SV2B: variants seen among roughly 807,000 people sequenced by gnomAD.
SV2B encodes the protein synaptic vesicle glycoprotein 2B.
Under a neutral mutation model 73.9 loss-of-function variants are expected in SV2B, and 41 were observed. The ratio of observed to expected loss-of-function variants is 0.56; its 90% confidence interval spans 0.43 to 0.72. SV2B has a LOEUF of 0.72. SV2B is among the 30% of genes least tolerant of loss of function. SV2B has a pLI of 0.00. For missense variants in SV2B, 764 were observed against 857.8 expected (o/e 0.89, Z 1.37); for synonymous variants, 314 against 314.2 (o/e 1.00, Z 0.01).
chr15:91,265,803 G>C lies in SV2B; in HGVS notation c.1009-779G>C, dbSNP rs920783694. Among the ~76,000 whole-genome samples the C allele has an allele frequency of 2.0e-5, 3 of 152,246 alleles. No individual in the cohort carries two copies. The highest frequency in any genetic ancestry group is 2.9e-5 in the Non-Finnish European group (2 of 68,044). ...CATGTCCTTGACATTTCTGGGAAGAGAGCCTATGCCTTTAGCAGATTCTCA... is the reference window on the plus strand; with the variant it reads ...CATGTCCTTGACATTTCTGGGAAGACAGCCTATGCCTTTAGCAGATTCTCA... On this transcript the variant is annotated intron_variant, in intron 6 of 12. Coordinates refer to ENST00000394232, the MANE Select transcript of SV2B (RefSeq NM_001323032.3). The surrounding 1 kb of genome is among the most constrained non-coding windows in gnomAD (Gnocchi z 4.2).
intron 1 of SV2B, among the ~76,000 whole-genome samples, chr15:91,165,031 CT>C (rs1422568565): frequency 1.3e-5 from 2 of 152,102 alleles, no homozygotes; most frequent in African/African-American, 4.8e-5. Context: ...ATTCAAGCAA[CT>C]GTGGATCAAA....
rs1232776024 is a variant in SV2B, at chr15:91,258,978, C to T, written c.918+424C>T. Reference sequence around the variant, plus strand: ...GATTTGGTGCGTGCATGCCTGTGGTCCCATCTACTTGGGAGGCTGAGGTGG... The same window carrying T: ...GATTTGGTGCGTGCATGCCTGTGGTTCCATCTACTTGGGAGGCTGAGGTGG... On this transcript the variant is annotated intron_variant, in intron 5 of 12. Transcript: ENST00000394232. The surrounding 1 kb of genome is among the most constrained non-coding windows in gnomAD (Gnocchi z 4.7). Among the ~76,000 whole-genome samples the T allele has an allele frequency of 2.0e-5, 3 of 151,644 alleles. No homozygotes were observed. The highest frequency in any genetic ancestry group is 7.3e-5 in the African/African-American group (3 of 41,262).
chr15:91,243,778 T>G (rs1424474100), intron 2 of SV2B, among the ~76,000 whole-genome samples: 1 of 152,204 alleles, frequency 6.6e-6, no homozygotes, highest in East Asian at 1.9e-4. Context: ...TGTCCTTAAA[T>G]CCAATGCTGC....
At chr15:91,168,346 C>T (rs1316894440) in intron 1 of SV2B, among the ~76,000 whole-genome samples, 1 of 117,652 alleles carries the variant, frequency 8.5e-6, no homozygotes, top group Non-Finnish European at 1.8e-5. Flanking sequence ...AAATTTCTCA[C>T]ACACTCTTCA....
At chr15:91,168,992 C>G (rs978825574) in intron 1 of SV2B, among the ~76,000 whole-genome samples, 7 of 152,320 alleles carry the variant, frequency 4.6e-5, no homozygotes, top group South Asian at 4.1e-4. Context: ...GTGAATTCCC[C>G]TAGTTAGTCC....
intron 1 of SV2B, among the ~76,000 whole-genome samples, chr15:91,125,734 C>T (rs966342439): frequency 7.3e-6 from 1 of 136,782 alleles, no homozygotes; most frequent in Non-Finnish European, 1.5e-5. Context: ...GTGTTCTTGC[C>T]ACTGCCCTCT....
chr15:91,108,655 C>T (rs942526879), intron 1 of SV2B, among the ~76,000 whole-genome samples: 1 of 152,242 alleles, frequency 6.6e-6, no homozygotes, highest in Non-Finnish European at 1.5e-5. Flanking sequence ...CTGGCAGGTA[C>T]TCAGCAGCTA....
chr15:91,134,828 A>G (rs1468208054), intron 1 of SV2B, among the ~76,000 whole-genome samples: 1 of 152,144 alleles, frequency 6.6e-6, no homozygotes, highest in Non-Finnish European at 1.5e-5. Flanking sequence ...GTACCAAAAA[A>G]TCATTTCTAG....
rs567691775 is a variant in SV2B, at chr15:91,167,814, T to C, written c.-391-58059T>C. Among the ~76,000 whole-genome samples the C allele has an allele frequency of 3.3e-4, 50 of 152,370 alleles. 2 individuals are homozygous for C. The South Asian group carries it at 9.9e-3, about 30-fold the overall frequency. The stretch of plus-strand genomic sequence containing the variant: ...TACATTCTATAGATTTTGATTATTA[T>C]GTTACAAGAATCTAAGTTCTGTTAA... On this transcript the variant is annotated intron_variant, in intron 1 of 12. Transcript: ENST00000394232.
chr15:91,179,514 T>A (rs1185131639), intron 1 of SV2B, among the ~76,000 whole-genome samples: 1 of 152,224 alleles, frequency 6.6e-6, no homozygotes, highest in Non-Finnish European at 1.5e-5. Flanking sequence ...CCCATTATTA[T>A]TGTGTGGGAG....
rs370912577 is a variant in SV2B at position 91,265,868 on chromosome 15, C to T, written c.1009-714C>T. Reference sequence around the variant, plus strand: ...CTTAAGAACCACTGTTTTGGCTGGGCGCAGTGGCTCACGCCTATAATCCCA... The same window carrying T: ...CTTAAGAACCACTGTTTTGGCTGGGTGCAGTGGCTCACGCCTATAATCCCA... On this transcript the variant is annotated intron_variant, in intron 6 of 12. Transcript: ENST00000394232. This position sits in a 1 kb window ranked among gnomAD's most constrained non-coding sequence, Gnocchi z 4.2. Among the ~76,000 whole-genome samples, 14 of 152,306 alleles carry T rather than the reference C, an allele frequency of 9.2e-5. No individual in the cohort carries two copies. Among genetic ancestry groups the T allele is most frequent in the South Asian group, 6.2e-4 (3 of 4,830 alleles).
rs1016953867 is a variant in SV2B, at chr15:91,232,891, T to C, written c.451+6177T>C. Among the ~76,000 whole-genome samples the C allele has an allele frequency of 6.6e-6, 1 of 152,158 alleles. No individual in the cohort carries two copies. Among genetic ancestry groups the C allele is most frequent in the African/African-American group, 2.4e-5 (1 of 41,442 alleles). On this transcript the variant is annotated intron_variant, in intron 2 of 12. Coordinates refer to ENST00000394232, the MANE Select transcript of SV2B (RefSeq NM_001323032.3). The surrounding 1 kb of genome is among the most constrained non-coding windows in gnomAD (Gnocchi z 4.7). The stretch of plus-strand genomic sequence containing the variant: ...CCTCTCCAGTAGTCCCCAGTGTCTA[T>C]TATTCCCATCTGTATGTCACGAATA...
At chr15:91,160,116 A>G (rs931086684) in intron 1 of SV2B, among the ~76,000 whole-genome samples, 7 of 152,344 alleles carry the variant, frequency 4.6e-5, no homozygotes, top group Non-Finnish European at 8.8e-5. Context: ...GAAGATTAAC[A>G]TCATAAATAT....
In SV2B at chr15:91,268,382, C is replaced by T; in HGVS notation, c.1209-59C>T. ...TCTGCATCAAGTCAAGAGTGTAGAC[C>T]CTGATCATGAAAGAATGAATCCTGT... On this transcript the variant is annotated intron_variant, in intron 8 of 12. Transcript: ENST00000394232. The surrounding 1 kb of genome is among the most constrained non-coding windows in gnomAD (Gnocchi z 4.4). 1 of 1,541,970 alleles carries T rather than the reference C, an allele frequency of 6.5e-7. No individual in the cohort carries two copies. Among genetic ancestry groups the T allele is most frequent in the Non-Finnish European group, 8.8e-7 (1 of 1,130,872 alleles).
Position 91,267,407 on chromosome 15 carries a change from T to A in SV2B, c.1120-148T>A. 1 of 641,252 alleles carries A rather than the reference T, an allele frequency of 1.6e-6. No individual in the cohort carries two copies. The highest frequency in any genetic ancestry group is 2.1e-5 in the South Asian group (1 of 48,272). The allele number at this position is 641,252 out of a possible 1,614,324, so 39.7% of individuals were successfully genotyped here. On this transcript the variant is annotated intron_variant, in intron 7 of 12. Coordinates refer to ENST00000394232, the MANE Select transcript of SV2B (RefSeq NM_001323032.3). The surrounding 1 kb of genome is among the most constrained non-coding windows in gnomAD (Gnocchi z 4.3). ...AGGCTTTCCTTGTTATTTGGACAGT[T>A]TTGCTGCCTCTAGGAGACAGTGGGG...
intron 1 of SV2B, among the ~76,000 whole-genome samples, chr15:91,117,731 G>A (rs1426345535): frequency 1.3e-5 from 2 of 152,202 alleles, no homozygotes; most frequent in Non-Finnish European, 2.9e-5. Flanking sequence ...CCAAACCCAT[G>A]TCAGTAAAGT....
chr15:91,289,206 T>C lies in SV2B; in HGVS notation c.1709-315T>C, dbSNP rs1596801371. Among the ~76,000 whole-genome samples the C allele has an allele frequency of 6.6e-6, 1 of 152,194 alleles. No homozygotes were observed. Among genetic ancestry groups the C allele is most frequent in the South Asian group, 2.1e-4 (1 of 4,826 alleles). Reference sequence around the variant, plus strand: ...AGCACCTAGAACAATGTCTGGTACATAATAGATTCTCAACAAATGCCCCTA... The same window carrying C: ...AGCACCTAGAACAATGTCTGGTACACAATAGATTCTCAACAAATGCCCCTA... On this transcript the variant is annotated intron_variant, in intron 11 of 12. Coordinates refer to ENST00000394232, the MANE Select transcript of SV2B (RefSeq NM_001323032.3). This position sits in a 1 kb window ranked among gnomAD's most constrained non-coding sequence, Gnocchi z 4.9.
At chr15:91,277,406 A>G (rs1471850889) in intron 9 of SV2B, among the ~76,000 whole-genome samples, 1 of 152,212 alleles carries the variant, frequency 6.6e-6, no homozygotes, top group African/African-American at 2.4e-5. Context: ...TGACAAAGGC[A>G]TGCAGTCATG....
At chr15:91,190,638 G>C (rs2044973982) in intron 1 of SV2B, among the ~76,000 whole-genome samples, 2 of 152,254 alleles carry the variant, frequency 1.3e-5, no homozygotes, top group Admixed American at 1.3e-4. Context: ...TCAGACATAT[G>C]TTGTAGGTTT....
Sources: gnomAD v4.1 joint callset for allele counts (sites outside exome capture counted in the v4.1 genomes callset) on GRCh38, gnomAD v4.1.1 for gene constraint, Gnocchi (gnomAD v3.1) non-coding constraint, MANE v1.5 for transcripts, NCBI Gene and HGNC (gene_info 2026-07-23, HGNC 2026-07-21) for gene names.